Variants in NPAS3 observed in about 807,000 individuals in gnomAD.
NPAS3 encodes the protein neuronal PAS domain-containing protein 3.
Under a neutral mutation model 73.1 loss-of-function variants are expected in NPAS3, and 14 were observed. The ratio of observed to expected loss-of-function variants is 0.19; its 90% CI spans 0.13 to 0.30. The LOEUF (loss-of-function observed/expected upper bound fraction) is 0.30, where lower values mean the gene tolerates loss of function less well. Among genes scored for constraint, NPAS3 ranks in the 10% least tolerant of loss-of-function variants. The pLI is 1.00. For missense variants in NPAS3, 1,096 were observed against 1,250.0 expected (o/e 0.88, Z 1.86); for synonymous variants, 620 against 541.5 (o/e 1.14, Z -2.01).
intron 2 of NPAS3, among the ~76,000 whole-genome samples, chr14:33,209,297 A>AT (rs1192988059): frequency 2.0e-5 from 3 of 152,098 alleles, no homozygotes; most frequent in Non-Finnish European, 4.4e-5. Flanking sequence ...TCTTGGAAGA[A>AT]TTTTTTTCCT....
intron 7 of NPAS3, among the ~76,000 whole-genome samples, chr14:33,735,758 T>A (rs1452145252): frequency 6.7e-6 from 1 of 148,260 alleles, no homozygotes; most frequent in Non-Finnish European, 1.5e-5. Flanking sequence ...AATAACATCT[T>A]AGCCACCGAG....
chr14:33,208,411 T>G (rs2046909928), intron 2 of NPAS3, among the ~76,000 whole-genome samples: 2 of 152,164 alleles, frequency 1.3e-5, no homozygotes, highest in Admixed American at 1.3e-4. Flanking sequence ...ATTTAATTAT[T>G]AAGTTCAAAC....
chr14:33,722,715 TATAG>T (rs1405249688), intron 6 of NPAS3, among the ~76,000 whole-genome samples: 1 of 152,180 alleles, frequency 6.6e-6, no homozygotes, highest in Non-Finnish European at 1.5e-5. Flanking sequence ...AAATAACAGA[TATAG>T]ATAATTATTG....
At chr14:33,741,418 A>G (rs2061652825) in intron 7 of NPAS3, among the ~76,000 whole-genome samples, 1 of 152,132 alleles carries the variant, frequency 6.6e-6, no homozygotes, top group Non-Finnish European at 1.5e-5. Flanking sequence ...AAGGAGAAAA[A>G]ATTTCCAGGG....
intron 8 of NPAS3, among the ~76,000 whole-genome samples, chr14:33,776,010 G>A (rs943988394): frequency 4.6e-5 from 7 of 152,296 alleles, no homozygotes; most frequent in Admixed American, 4.6e-4. Context: ...CTCATCCTCA[G>A]CCAAGAGATT....
At position 33,800,840 on chromosome 14, in the gene NPAS3, C is replaced by G. The variant is rs750391716; in HGVS notation, c.2533C>G (p.Leu845Val). The G allele has an allele frequency of 6.2e-7, 1 of 1,603,898 alleles. No homozygotes were observed. Among genetic ancestry groups the G allele is most frequent in the South Asian group, 1.1e-5 (1 of 88,810 alleles). ...GACCCTGGCCATGCAGAGCAACCTG[C>G]TGCCCAACGCGCACGCTGTTAACTT... The change falls in exon 12 of 12, where the codon CTG becomes GTG. Residue 845 changes from leucine (L) to valine (V), a missense_variant. Leu to Val is a conservative substitution (Grantham distance 32). Transcript: ENST00000356141. This position sits in a 1 kb window ranked among gnomAD's most constrained non-coding sequence, Gnocchi z 6.5.
chr14:33,647,286 CTCTCTA>C lies in NPAS3; in HGVS notation c.559-28923_559-28918del, dbSNP rs1209911773. 3.3e-3 allele frequency among the ~76,000 whole-genome samples: 497 copies of C among 151,212 alleles called. 3 individuals carry two copies. Among genetic ancestry groups the C allele is most frequent in the African/African-American group, 0.011 (468 of 40,834 alleles). ...ATCTTCTTACTCTCTCTCTCTCTCT[CTCTCTA>C]TATATATATATATATAGCCACATGA... On this transcript the variant is annotated intron_variant, in intron 5 of 11. Transcript: ENST00000356141.
At chr14:33,650,075 C>T (rs2058946703) in intron 5 of NPAS3, among the ~76,000 whole-genome samples, 1 of 152,138 alleles carries the variant, frequency 6.6e-6, no homozygotes, top group African/African-American at 2.4e-5. Flanking sequence ...TAAATGGGAC[C>T]AGGAGGATGT....
chr14:33,658,168 A>G (rs1845966931), intron 5 of NPAS3, among the ~76,000 whole-genome samples: 1 of 152,232 alleles, frequency 6.6e-6, no homozygotes, highest in African/African-American at 2.4e-5. Context: ...ATGTTTCCTA[A>G]TTCATTCTCC....
chr14:33,670,372 G>A (rs868854982), intron 5 of NPAS3, among the ~76,000 whole-genome samples: 2 of 151,962 alleles, frequency 1.3e-5, no homozygotes, highest in Admixed American at 6.6e-5. Flanking sequence ...GTAACAGACC[G>A]AATGCTTTTA....
chr14:33,276,214 C>T (rs1286505906), intron 3 of NPAS3, among the ~76,000 whole-genome samples: 9 of 152,100 alleles, frequency 5.9e-5, no homozygotes, highest in Non-Finnish European at 1.5e-5. Flanking sequence ...TATACTATTT[C>T]TGTGACTTGC....
At chr14:33,410,606 A>T (rs1186756503) in intron 4 of NPAS3, among the ~76,000 whole-genome samples, 1 of 152,188 alleles carries the variant, frequency 6.6e-6, no homozygotes, top group Non-Finnish European at 1.5e-5. Flanking sequence ...GATCATCACA[A>T]AAATGTGTCC....
At chr14:33,479,686 T>C (rs1313326166) in intron 4 of NPAS3, among the ~76,000 whole-genome samples, 1 of 152,192 alleles carries the variant, frequency 6.6e-6, no homozygotes, top group Non-Finnish European at 1.5e-5. Flanking sequence ...AGTCTCTCCA[T>C]CTTAGCAAGC....
chr14:33,563,517 T>TACACACACACACACACAC (rs146854404), intron 5 of NPAS3, among the ~76,000 whole-genome samples: 18 of 106,934 alleles, frequency 1.7e-4, no homozygotes, highest in African/African-American at 5.8e-4. Context: ...TACACATACA[T>TACACACACACACACACAC]ACACACACAC....
intron 3 of NPAS3, among the ~76,000 whole-genome samples, chr14:33,297,218 C>T (rs1008928660): frequency 1.6e-5 from 2 of 128,054 alleles, no homozygotes; most frequent in African/African-American, 6.1e-5. Context: ...AGCAAATTAC[C>T]TCTCTTTGCC....
intron 3 of NPAS3, among the ~76,000 whole-genome samples, chr14:33,308,215 A>G (rs1246947292): frequency 6.6e-6 from 1 of 152,142 alleles, no homozygotes; most frequent in East Asian, 1.9e-4. Flanking sequence ...ATCCTTTTCA[A>G]CAAAGGCTGT....
intron 3 of NPAS3, among the ~76,000 whole-genome samples, chr14:33,242,881 A>G (rs2048255761): frequency 6.6e-6 from 1 of 152,158 alleles, no homozygotes; most frequent in Non-Finnish European, 1.5e-5. Context: ...TGATGTGGAA[A>G]TGCATAAAAT....
Position 33,327,446 on chromosome 14 carries a change from T to C in NPAS3, c.386-39740T>C, listed in dbSNP as rs1054832857. Among the ~76,000 whole-genome samples, 5 of 152,330 alleles carry C rather than the reference T, an allele frequency of 3.3e-5. No homozygotes were observed. The East Asian group carries it at 9.6e-4, about 29-fold the overall frequency. ...ATTACTTAAATACAAATTCTGATGC[T>C]AGGTTAGATGTTGTGAAGAAAACAA... On this transcript the variant is annotated intron_variant, in intron 3 of 11. Coordinates refer to ENST00000356141, the Ensembl canonical transcript of NPAS3.
At chr14:33,402,004 C>T (rs528151408) in intron 4 of NPAS3, among the ~76,000 whole-genome samples, 14 of 152,038 alleles carry the variant, frequency 9.2e-5, no homozygotes, top group Admixed American at 6.6e-4. Flanking sequence ...CTGGAAGAGA[C>T]GACTGATGAC....
Sources: allele counts gnomAD v4.1 joint callset (sites outside exome capture counted in the v4.1 genomes callset), GRCh38; gene constraint gnomAD v4.1.1; non-coding constraint Gnocchi (gnomAD v3.1); transcripts MANE v1.5; gene names NCBI Gene and HGNC (gene_info 2026-07-23, HGNC 2026-07-21).